The following BANF2 variants were observed in gnomAD, a reference collection of about 807,000 sequenced individuals.
The protein encoded by BANF2 is BANF family member 2.
A neutral mutation model predicts 8.0 loss-of-function variants in BANF2; 4 were observed. The ratio of observed to expected loss-of-function variants is 0.50; its 90% CI spans 0.25 to 1.14. BANF2 has a LOEUF of 1.14. BANF2 is among the 50% of genes most tolerant of loss of function. BANF2 has a pLI of 0.16. For synonymous variants in BANF2, 50 were observed against 40.6 expected (o/e 1.23, Z -0.88); for missense variants, 96 against 107.5 (o/e 0.89, Z 0.47).
At position 17,734,114 on chromosome 20, in the gene BANF2, T is replaced by C. The variant is rs563334888; in HGVS notation, c.127-1551T>C. ...TGGCTAGTTTCTGGCTACGTGGCCT[T>C]GGGAATTCCCTTCCTCCATGTGGTC... On this transcript the variant is annotated intron_variant, in intron 3 of 3. Coordinates refer to ENST00000246090, the MANE Select transcript of BANF2 (RefSeq NM_178477.5). Among the ~76,000 whole-genome samples, 207 of 152,326 alleles carry C rather than the reference T, an allele frequency of 1.4e-3. 1 individual carries two copies. Among genetic ancestry groups the C allele is most frequent in the Non-Finnish European group, 6.9e-4 (47 of 68,030 alleles).
At chr20:17,694,033 T>C (rs1298101643) in intron 1 of BANF2, among the ~76,000 whole-genome samples, 3 of 152,232 alleles carry the variant, frequency 2.0e-5, no homozygotes, top group Non-Finnish European at 4.4e-5. Context: ...CTTGTTGCGA[T>C]GAATTGGCAG....
intron 1 of BANF2, among the ~76,000 whole-genome samples, chr20:17,718,895 G>A (rs1418079419): frequency 2.0e-5 from 3 of 152,120 alleles, no homozygotes; most frequent in Non-Finnish European, 4.4e-5. Context: ...ATACAGTAGG[G>A]TCATTGACAG....
At chr20:17,717,077 A>G (rs1376920752) in intron 1 of BANF2, among the ~76,000 whole-genome samples, 1 of 152,118 alleles carries the variant, frequency 6.6e-6, no homozygotes, top group Non-Finnish European at 1.5e-5. Flanking sequence ...GAGAAACTGC[A>G]ACTCTGGAGA....
At chr20:17,695,203 T>C (rs931810131), upstream of BANF2, among the ~76,000 whole-genome samples, 1 of 151,884 alleles carries the variant, frequency 6.6e-6, no homozygotes, top group Admixed American at 6.6e-5. Context: ...TCCCAGCACT[T>C]TGGGAGGCTG....
chr20:17,719,000 T>A (rs1262214310), intron 1 of BANF2, among the ~76,000 whole-genome samples: 1 of 152,204 alleles, frequency 6.6e-6, no homozygotes, highest in Non-Finnish European at 1.5e-5. Flanking sequence ...AAGCTGTCCA[T>A]AATGGACCCA....
intron 1 of BANF2, among the ~76,000 whole-genome samples, chr20:17,707,153 G>T (rs1309925986): frequency 6.6e-6 from 1 of 152,080 alleles, no homozygotes; most frequent in South Asian, 2.1e-4. Flanking sequence ...GGAGGCCAAG[G>T]CAGGCAGATC....
upstream of BANF2, among the ~76,000 whole-genome samples, chr20:17,695,060 A>G (rs1193697586): frequency 1.3e-5 from 2 of 152,186 alleles, no homozygotes; most frequent in Non-Finnish European, 2.9e-5. Context: ...ACTTTGACCA[A>G]GGACTCTGTT....
chr20:17,705,773 T>C (rs1461166688), intron 1 of BANF2, among the ~76,000 whole-genome samples: 1 of 152,268 alleles, frequency 6.6e-6, no homozygotes, highest in Non-Finnish European at 1.5e-5. Context: ...TAGTTCATGC[T>C]GGGATTACCC....
intron 1 of BANF2, among the ~76,000 whole-genome samples, chr20:17,711,817 G>A (rs1468704801): frequency 1.3e-5 from 2 of 152,186 alleles, no homozygotes; most frequent in Non-Finnish European, 1.5e-5. Flanking sequence ...GCAGCTGGGT[G>A]CACCAGCTGG....
intron 1 of BANF2, among the ~76,000 whole-genome samples, chr20:17,717,042 C>T (rs895842662): frequency 6.6e-6 from 1 of 152,052 alleles, no homozygotes; most frequent in Non-Finnish European, 1.5e-5. Flanking sequence ...CATTCTTTCT[C>T]TATGAAACAC....
intron 1 of BANF2, among the ~76,000 whole-genome samples, chr20:17,711,842 G>A (rs1005465330): frequency 3.9e-5 from 6 of 152,172 alleles, no homozygotes; most frequent in East Asian, 1.9e-4. Flanking sequence ...GGAGACCTGC[G>A]CATGGCACCA....
At chr20:17,712,631 C>T (rs1271438230) in intron 1 of BANF2, 3 of 757,622 alleles carry the variant, frequency 4.0e-6, no homozygotes, top group Admixed American at 6.3e-5. Flanking sequence ...ATGAGGTGAG[C>T]CTTCTTCCTC....
At chr20:17,725,939 T>G (rs2037803106) in intron 3 of BANF2, among the ~76,000 whole-genome samples, 1 of 152,098 alleles carries the variant, frequency 6.6e-6, no homozygotes, top group Admixed American at 6.5e-5. Context: ...GACGACTAGT[T>G]TGGTTTGCAT....
chr20:17,722,502 C>A (rs1451080983), intron 1 of BANF2, among the ~76,000 whole-genome samples: 1 of 152,206 alleles, frequency 6.6e-6, no homozygotes, highest in African/African-American at 2.4e-5. Context: ...ATTCATCATC[C>A]CATAAATCCA....
upstream of BANF2, among the ~76,000 whole-genome samples, chr20:17,697,142 C>G (rs2037353001): frequency 6.6e-6 from 1 of 152,040 alleles, no homozygotes; most frequent in Non-Finnish European, 1.5e-5. Context: ...AACAGGCCAG[C>G]AGATATCCCT....
chr20:17,715,196 G>T (rs144771157), intron 1 of BANF2, among the ~76,000 whole-genome samples: 46 of 152,284 alleles, frequency 3.0e-4, no homozygotes, highest in African/African-American at 9.6e-4. Context: ...CCATGAAGCT[G>T]AGCCGCCACC....
intron 1 of BANF2, among the ~76,000 whole-genome samples, chr20:17,711,582 C>T (rs1308943344): frequency 6.6e-6 from 1 of 152,112 alleles, no homozygotes; most frequent in African/African-American, 2.4e-5. Context: ...TCTACCTGAC[C>T]CCCTGGGGGG....
rs1441097172 is a variant in BANF2, at chr20:17,709,937, T to C, written c.-167+9882T>C. Among the ~76,000 whole-genome samples the C allele has an allele frequency of 7.2e-5, 11 of 152,186 alleles. No homozygotes were observed. In the East Asian group the frequency reaches 9.7e-4, roughly 13 times the overall value. ...GATCATCTAATTGCAGTGCAAGTAG[T>C]TGATATGGAAAGGGTTCCTGGTCCC... On this transcript the variant is annotated intron_variant, in intron 1 of 3. Transcript: ENST00000246090.
intron 3 of BANF2, among the ~76,000 whole-genome samples, chr20:17,730,553 T>G (rs1182416715): frequency 6.6e-6 from 1 of 152,138 alleles, no homozygotes; most frequent in African/African-American, 2.4e-5. Context: ...GGGGCTCTGC[T>G]CTCTCTCGCA....
Sources: allele counts gnomAD v4.1 joint callset (sites outside exome capture counted in the v4.1 genomes callset), GRCh38; gene constraint gnomAD v4.1.1; transcripts MANE v1.5; gene names NCBI Gene and HGNC (gene_info 2026-07-23, HGNC 2026-07-21).